NAT1: variants seen among roughly 807,000 people sequenced by gnomAD.
NAT1 encodes arylamine N-acetyltransferase 1.
For missense variants in NAT1, 400 were observed against 339.2 expected, an observed-to-expected ratio of 1.18 and a Z score of -1.41; for synonymous variants, 144 against 122.6, an observed-to-expected ratio of 1.17 and a Z score of -1.16.
At position 18,222,738 on chromosome 8, in the gene NAT1, G is replaced by T. The variant is rs201916736; in HGVS notation, c.691G>T (p.Val231Phe). ...SFCSLQTPDG[V>F]HCLVGFTLTH... is the part of the protein sequence containing the mutation. ...TTGTTCCTTGCAGACCCCAGATGGG[G>T]TTCACTGTTTGGTGGGCTTCACCCT... Residue 231 changes from valine to phenylalanine, a missense_variant, in exon 3 of 3, where the codon GTT (valine) becomes TTT (phenylalanine). Coordinates refer to ENST00000307719, the MANE Select transcript of NAT1 (RefSeq NM_000662.8). The T allele has an allele frequency of 2.5e-6, 4 of 1,613,896 alleles. No homozygotes were observed. Among genetic ancestry groups the T allele is most frequent in the African/African-American group, 1.3e-5 (1 of 75,016 alleles).
At chr8:18,172,389 GAA>G (rs1563157675) in intron 2 of NAT1, among the ~76,000 whole-genome samples, 1 of 152,170 alleles carries the variant, frequency 6.6e-6, no homozygotes, top group South Asian at 2.1e-4. Context: ...CGCCTGCTGG[GAA>G]AGTCACCAGT....
Position 18,222,354 on chromosome 8 carries a change from A to G in NAT1, c.307A>G (p.Thr103Ala), listed in dbSNP as rs1256959731. The part of the protein sequence containing the change: ...VYSTPAKKYS[T>A]GMIHLLLQVT... ...CAGCACTCCAGCCAAAAAATACAGCACTGGCATGATTCACCTTCTCCTGCA... is the reference window on the plus strand; with the variant it reads ...CAGCACTCCAGCCAAAAAATACAGCGCTGGCATGATTCACCTTCTCCTGCA... Residue 103 changes from threonine to alanine, a missense_variant, in exon 3 of 3, where the codon ACT (threonine) becomes GCT (alanine). Thr to Ala is a moderately conservative substitution (Grantham distance 58, BLOSUM62 0). Transcript: ENST00000307719. 1.9e-6 allele frequency: 3 copies of G among 1,614,088 alleles called. No homozygotes were observed. The highest frequency in any genetic ancestry group is 2.5e-6 in the Non-Finnish European group (3 of 1,179,994).
intron 2 of NAT1, among the ~76,000 whole-genome samples, chr8:18,174,126 C>G (rs766687301): frequency 6.6e-6 from 1 of 152,068 alleles, no homozygotes; most frequent in African/African-American, 2.4e-5. Context: ...TTAGAAGAAA[C>G]GGAACATTTT....
intron 2 of NAT1, among the ~76,000 whole-genome samples, chr8:18,191,061 CA>C (rs71217304): frequency 0.77 from 111,822 of 144,620 alleles, 42,687 homozygotes; most frequent in Middle Eastern, 0.85. Flanking sequence ...CAAGACTGTC[CA>C]AAAAAAAAAG....
At chr8:18,215,425 A>G (rs1804551247) in intron 1 of NAT1, among the ~76,000 whole-genome samples, 3 of 152,350 alleles carry the variant, frequency 2.0e-5, no homozygotes, top group South Asian at 4.1e-4. Flanking sequence ...GCAATGTGAT[A>G]CGATATTGTA....
In NAT1 at chr8:18,222,313, T is replaced by C; in HGVS notation, c.266T>C (p.Leu89Ser). 6.2e-7 allele frequency: 1 copy of C among 1,614,096 alleles called. No individual in the cohort carries two copies. Among genetic ancestry groups the C allele is most frequent in the Non-Finnish European group, 8.5e-7 (1 of 1,179,992 alleles). ...ACTATTGGTTTTGAGACCACGATGTTGGGAGGGTATGTTTACAGCACTCCA... is the reference window on the plus strand; with the variant it reads ...ACTATTGGTTTTGAGACCACGATGTCGGGAGGGTATGTTTACAGCACTCCA... The part of the protein sequence containing the change: ...LTTIGFETTM[L>S]GGYVYSTPAK... The change falls in exon 3 of 3, where the codon TTG becomes TCG. Residue 89 changes from leucine (L) to serine (S), a missense_variant. By Grantham distance (145) the Leu-to-Ser change is moderately radical. Coordinates refer to ENST00000307719, the MANE Select transcript of NAT1 (RefSeq NM_000662.8).
chr8:18,179,636 A>G (rs1199491637), intron 2 of NAT1, among the ~76,000 whole-genome samples: 2 of 152,172 alleles, frequency 1.3e-5, no homozygotes, highest in Non-Finnish European at 2.9e-5. Context: ...AAAATCGTAC[A>G]TGTGTTCTCA....
intron 1 of NAT1, among the ~76,000 whole-genome samples, chr8:18,217,670 A>C (rs1804821058): frequency 6.6e-6 from 1 of 152,198 alleles, no homozygotes; most frequent in South Asian, 2.1e-4. Flanking sequence ...GCAGAGATTC[A>C]CAACTGAGAA....
rs530694345 is a variant in NAT1, at chr8:18,195,287, G to A, written n.93-14494G>A. ...ACTTCTGGTTAGTGAGAGTGAAGGA[G>A]GTAGAGGTCAAAAGCATAGATTGCT... is the stretch of plus-strand genomic sequence containing the variant. On this transcript the variant is annotated intron_variant and non_coding_transcript_variant, in intron 2 of 4. Coordinates refer to the NAT1 transcript ENST00000517441. Among the ~76,000 whole-genome samples, 5 of 152,194 alleles carry A rather than the reference G, an allele frequency of 3.3e-5. No homozygotes were observed. In the East Asian group the frequency reaches 7.7e-4, roughly 23 times the overall value.
intron 2 of NAT1, among the ~76,000 whole-genome samples, chr8:18,185,451 G>C (rs1216818558): frequency 1.3e-5 from 2 of 152,044 alleles, no homozygotes; most frequent in Non-Finnish European, 2.9e-5. Context: ...TGGTCATAAT[G>C]TGGTGTAATT....
At chr8:18,194,831 A>AAT (rs1300188973) in intron 2 of NAT1, among the ~76,000 whole-genome samples, 1 of 151,842 alleles carries the variant, frequency 6.6e-6, no homozygotes, top group Non-Finnish European at 1.5e-5. Flanking sequence ...AAAAAAAAAA[A>AAT]AAAGAATATT....
intron 2 of NAT1, among the ~76,000 whole-genome samples, chr8:18,200,560 G>A (rs934613395): frequency 1.3e-5 from 2 of 152,114 alleles, no homozygotes; most frequent in African/African-American, 4.8e-5. Flanking sequence ...AGGATGGTAA[G>A]GATTGAAAAA....
intron 1 of NAT1, among the ~76,000 whole-genome samples, chr8:18,214,218 C>T (rs1804406127): frequency 6.6e-6 from 1 of 152,170 alleles, no homozygotes; most frequent in African/African-American, 2.4e-5. Context: ...AGTCAGTGTT[C>T]ACCAACACTC....
At chr8:18,195,308 T>C (rs549001609) in intron 2 of NAT1, among the ~76,000 whole-genome samples, 4 of 152,270 alleles carry the variant, frequency 2.6e-5, no homozygotes, top group Non-Finnish European at 4.4e-5. Context: ...AAAGCATAGA[T>C]TGCTTCCAGA....
intron 2 of NAT1, among the ~76,000 whole-genome samples, chr8:18,178,052 A>G (rs1802359123): frequency 1.3e-5 from 2 of 152,098 alleles, no homozygotes; most frequent in African/African-American, 4.8e-5. Flanking sequence ...TAACGTAGCT[A>G]AAAGGCATTA....
At chr8:18,172,076 T>A (rs1653862261) in intron 2 of NAT1, among the ~76,000 whole-genome samples, 1 of 152,190 alleles carries the variant, frequency 6.6e-6, no homozygotes, top group South Asian at 2.1e-4. Context: ...CCTGCTCTAC[T>A]ACCTCTAAGG....
chr8:18,189,393 A>G (rs1446318574), intron 2 of NAT1, among the ~76,000 whole-genome samples: 1 of 152,142 alleles, frequency 6.6e-6, no homozygotes, highest in East Asian at 1.9e-4. Flanking sequence ...GGAGAGTAGT[A>G]CGAGATGGGA....
upstream of NAT1, among the ~76,000 whole-genome samples, chr8:18,207,147 G>A (rs377183250): frequency 6.6e-6 from 1 of 152,140 alleles, no homozygotes; most frequent in East Asian, 1.9e-4. Flanking sequence ...ACCATTGCTT[G>A]TTTTTGTCAG....
At chr8:18,170,867 C>A (rs945215962) in intron 2 of NAT1, 1 of 151,346 alleles carries the variant, frequency 6.6e-6, no homozygotes, top group South Asian at 2.1e-4. Context: ...TTTATCTCAG[C>A]GACCTTTGTT....
Sources: gnomAD v4.1 joint callset for allele counts (sites outside exome capture counted in the v4.1 genomes callset) on GRCh38, gnomAD v4.1.1 for gene constraint, MANE v1.5 for transcripts, NCBI Gene and HGNC (gene_info 2026-07-23, HGNC 2026-07-21) for gene names.